UTS2: variants seen among roughly 807,000 people sequenced by gnomAD.
UTS2 encodes the protein urotensin-2.
Under a neutral mutation model 12.6 loss-of-function variants are expected in UTS2, and 10 were observed. The observed-to-expected ratio is 0.80, with a 90% CI of 0.49 to 1.35. The LOEUF is 1.35. Among genes scored for constraint, UTS2 ranks in the 40% most tolerant of loss-of-function variants. UTS2 has a pLI of 0.00. For synonymous variants in UTS2, 52 were observed against 50.0 expected (o/e 1.04, Z -0.17); for missense variants, 142 against 143.2 (o/e 0.99, Z 0.04).
At chr1:7,891,599 A>AG in the UTS2 span, among the ~76,000 whole-genome samples, 3 of 151,104 alleles carry the variant, frequency 2.0e-5, no homozygotes, top group Non-Finnish European at 1.5e-5. Flanking sequence ...AAAGAAAGAA[A>AG]ATTGCCAAGA....
At chr1:7,886,866 C>G in the UTS2 span, among the ~76,000 whole-genome samples, 1 of 151,826 alleles carries the variant, frequency 6.6e-6, no homozygotes, top group African/African-American at 2.4e-5. Context: ...GCCTGACCAA[C>G]ATGGTGAAAC....
Position 7,847,822 on chromosome 1 carries a change from A to G in UTS2, c.319T>C (p.Trp107Arg). The G allele has an allele frequency of 1.2e-6, 2 of 1,614,078 alleles. No homozygotes were observed. The highest frequency in any genetic ancestry group is 1.1e-5 in the South Asian group (1 of 91,062). Residue 107 changes from tryptophan (W) to arginine (R), a missense_variant, in exon 4 of 4, where the codon TGG becomes CGG. Physicochemically the swap from Trp to Arg is moderately radical, Grantham distance 101. Coordinates refer to ENST00000361696, the MANE Select transcript of UTS2 (RefSeq NM_006786.4). ...ILLSHLLARI[W>R]KPYKKRETPD... ...GTCTCACGTTTCTTGTATGGTTTCCAGATTCTGGCCAAAAGATGACTCAGT... is the reference window on the plus strand; with the variant it reads ...GTCTCACGTTTCTTGTATGGTTTCCGGATTCTGGCCAAAAGATGACTCAGT...
the UTS2 span, among the ~76,000 whole-genome samples, chr1:7,903,952 T>G: frequency 8.5e-5 from 13 of 152,336 alleles, 2 homozygotes; most frequent in African/African-American, 2.9e-4. Context: ...TGTGTTTTAT[T>G]ACCCGTCTGA....
the UTS2 span, among the ~76,000 whole-genome samples, chr1:7,875,483 A>T: frequency 6.6e-6 from 1 of 152,108 alleles, no homozygotes; most frequent in Non-Finnish European, 1.5e-5. Context: ...GGGCGTGAGG[A>T]CAAGACCACT....
At chr1:7,880,839 A>G in the UTS2 span, among the ~76,000 whole-genome samples, 4 of 152,208 alleles carry the variant, frequency 2.6e-5, no homozygotes, top group Non-Finnish European at 5.9e-5. Flanking sequence ...ACAAGGACAC[A>G]GCAGAAAAAA....
At chr1:7,907,497 AT>A in the UTS2 span, among the ~76,000 whole-genome samples, 4 of 151,788 alleles carry the variant, frequency 2.6e-5, no homozygotes, top group African/African-American at 9.7e-5. Flanking sequence ...AAATTTAAAC[AT>A]TTTTTTAAAT....
At chr1:7,899,760 C>A in the UTS2 span, among the ~76,000 whole-genome samples, 1 of 152,190 alleles carries the variant, frequency 6.6e-6, no homozygotes, top group Non-Finnish European at 1.5e-5. Context: ...CTTGAAACAG[C>A]AAGCATTTGT....
chr1:7,902,738 TC>T, the UTS2 span, among the ~76,000 whole-genome samples: 1 of 152,012 alleles, frequency 6.6e-6, no homozygotes, highest in Non-Finnish European at 1.5e-5. Flanking sequence ...CCTATTTCCT[TC>T]CCTTTAATTA....
At chr1:7,879,739 T>TAAC in the UTS2 span, among the ~76,000 whole-genome samples, 20 of 151,584 alleles carry the variant, frequency 1.3e-4, no homozygotes, top group Non-Finnish European at 2.6e-4. Flanking sequence ...AGACTCTGTC[T>TAAC]AACAACAACA....
the UTS2 span, among the ~76,000 whole-genome samples, chr1:7,873,749 G>A: frequency 2.6e-5 from 4 of 152,080 alleles, no homozygotes; most frequent in Non-Finnish European, 5.9e-5. Context: ...TGACAACAAA[G>A]GACTTAGAAT....
the UTS2 span, among the ~76,000 whole-genome samples, chr1:7,862,743 T>A: frequency 2.2e-4 from 33 of 152,016 alleles, no homozygotes; most frequent in Non-Finnish European, 4.1e-4. Context: ...GGCATTCATC[T>A]ATTCATCGGG....
chr1:7,910,426 G>A, the UTS2 span, among the ~76,000 whole-genome samples: 1 of 152,022 alleles, frequency 6.6e-6, no homozygotes, highest in Non-Finnish European at 1.5e-5. Flanking sequence ...AGGCCAAGAA[G>A]GCCCTACACA....
At chr1:7,874,897 A>T in the UTS2 span, among the ~76,000 whole-genome samples, 1 of 151,540 alleles carries the variant, frequency 6.6e-6, no homozygotes, top group Non-Finnish European at 1.5e-5. Context: ...CTTCACACAC[A>T]CTCTCTCCTG....
the UTS2 span, among the ~76,000 whole-genome samples, chr1:7,906,546 T>C: frequency 2.0e-5 from 3 of 150,840 alleles, no homozygotes; most frequent in Admixed American, 2.0e-4. Context: ...CTAAGATCAT[T>C]CCAGATTTTT....
the UTS2 span, among the ~76,000 whole-genome samples, chr1:7,909,572 A>C: frequency 4.0e-5 from 6 of 151,636 alleles, no homozygotes; most frequent in Non-Finnish European, 7.4e-5. Flanking sequence ...AGAAAAAAAA[A>C]TTTAGGTCAA....
At chr1:7,866,042 C>T in the UTS2 span, among the ~76,000 whole-genome samples, 2 of 152,318 alleles carry the variant, frequency 1.3e-5, no homozygotes, top group South Asian at 2.1e-4. The surrounding 1 kb of genome is among the most constrained non-coding windows in gnomAD (Gnocchi z 4.5). Flanking sequence ...AGAGAAGCTC[C>T]GCCCCTCCAT....
upstream of UTS2, chr1:7,853,313 A>T: frequency 6.2e-7 from 1 of 1,614,194 alleles, no homozygotes; most frequent in South Asian, 1.1e-5. Context: ...TTACAGCAAT[A>T]AATCATGAAT....
chr1:7,904,585 T>A, the UTS2 span, among the ~76,000 whole-genome samples: 1 of 152,062 alleles, frequency 6.6e-6, no homozygotes, highest in South Asian at 2.1e-4. Context: ...TAGTTACGTG[T>A]TATGCAATAT....
chr1:7,898,058 A>C, the UTS2 span, among the ~76,000 whole-genome samples: 3 of 152,200 alleles, frequency 2.0e-5, no homozygotes, highest in Non-Finnish European at 4.4e-5. Flanking sequence ...TATTTCTAGT[A>C]TTCTACAGAT....
Sources: gnomAD v4.1 joint callset for allele counts (sites outside exome capture counted in the v4.1 genomes callset) on GRCh38, gnomAD v4.1.1 for gene constraint, Gnocchi (gnomAD v3.1) non-coding constraint, MANE v1.5 for transcripts, NCBI Gene and HGNC (gene_info 2026-07-23, HGNC 2026-07-21) for gene names.